The following TFAP2D variants were observed in gnomAD, a reference collection of about 807,000 sequenced individuals.
The protein encoded by TFAP2D is transcription factor AP-2-delta.
In TFAP2D, 9 loss-of-function variants were observed where a neutral mutation model predicts 43.6. The observed-to-expected ratio is 0.21, with a 90% confidence interval of 0.12 to 0.36. The LOEUF (loss-of-function observed/expected upper bound fraction) is 0.36. Among genes scored for constraint, TFAP2D ranks in the 10% least tolerant of loss-of-function variants. TFAP2D has a pLI of 1.00. For synonymous variants in TFAP2D, 256 were observed against 224.9 expected (o/e 1.14, Z -1.24); for missense variants, 513 against 561.4 (o/e 0.91, Z 0.87).
At chr6:50,742,573 C>CATAG (rs144051096) in intron 5 of TFAP2D, among the ~76,000 whole-genome samples, 3,773 of 145,438 alleles carry the variant, frequency 0.026, 56 homozygotes, top group Admixed American at 0.038. Context: ...GACAGACACA[C>CATAG]ATAGATAGAT....
chr6:50,739,921 A>G (rs1452850400), intron 5 of TFAP2D, among the ~76,000 whole-genome samples: 3 of 152,186 alleles, frequency 2.0e-5, no homozygotes, highest in Non-Finnish European at 4.4e-5. Context: ...TAAAACTACT[A>G]TATTATAAGG....
chr6:50,755,614 G>A lies in TFAP2D; in HGVS notation c.1139+4290G>A, dbSNP rs776827762. ...AACTATAAGCTTTTTTTCCCCCTTT[G>A]GGAGAAGAAAAACTCCAATTCCTTT... is the stretch of plus-strand genomic sequence containing the variant. On this transcript the variant is annotated intron_variant, in intron 7 of 7. Transcript: ENST00000008391. 1.2e-3 allele frequency among the ~76,000 whole-genome samples: 176 copies of A among 151,746 alleles called. 1 individual carries two copies. Among genetic ancestry groups the A allele is most frequent in the Non-Finnish European group, 8.8e-4 (60 of 67,886 alleles).
intron 5 of TFAP2D, among the ~76,000 whole-genome samples, chr6:50,729,925 C>A (rs1284927662): frequency 6.6e-6 from 1 of 152,012 alleles, no homozygotes; most frequent in Non-Finnish European, 1.5e-5. Flanking sequence ...TACCTCTTTC[C>A]TTTTTTTCTC....
At position 50,757,775 on chromosome 6, in the gene TFAP2D, T is replaced by TA. The variant is rs1200465171; in HGVS notation, c.1139+6453dup. Reference sequence around the variant, plus strand: ...TTATTCTATATATATAGAATATATATAATTATTCTATATATATAGAATATA... The same window carrying TA: ...TTATTCTATATATATAGAATATATATAAATTATTCTATATATATAGAATATA... On this transcript the variant is annotated intron_variant, in intron 7 of 7. Coordinates refer to ENST00000008391, the MANE Select transcript of TFAP2D (RefSeq NM_172238.4). Among the ~76,000 whole-genome samples, 447 of 107,966 alleles carry TA rather than the reference T, an allele frequency of 4.1e-3. 39 individuals carry two copies. The highest frequency in any genetic ancestry group is 0.014 in the African/African-American group (390 of 27,178). The allele number at this position is 107,966 out of a possible 152,430, so 70.8% of individuals were successfully genotyped here.
chr6:50,726,889 G>A (rs1036046277), intron 3 of TFAP2D, among the ~76,000 whole-genome samples: 1 of 152,180 alleles, frequency 6.6e-6, no homozygotes, highest in East Asian at 1.9e-4. Context: ...AGAGGGGGAA[G>A]TACAGGAGAA....
chr6:50,753,256 A>G (rs1769223181), intron 7 of TFAP2D, among the ~76,000 whole-genome samples: 1 of 151,954 alleles, frequency 6.6e-6, no homozygotes, highest in Non-Finnish European at 1.5e-5. Flanking sequence ...TGTATGCTAG[A>G]TTATTTCCAA....
chr6:50,729,824 C>T (rs1348070205), intron 5 of TFAP2D, among the ~76,000 whole-genome samples: 1 of 152,106 alleles, frequency 6.6e-6, no homozygotes, highest in Admixed American at 6.6e-5. Context: ...TGGATAAGCT[C>T]AGCTCAGTCA....
Position 50,713,823 on chromosome 6 carries a change from G to A in TFAP2D, c.-233G>A. 1 of 603,188 alleles carries A rather than the reference G, an allele frequency of 1.7e-6. No individual in the cohort carries two copies. Among genetic ancestry groups the A allele is most frequent in the Non-Finnish European group, 2.9e-6 (1 of 346,912 alleles). The allele number at this position is 603,188 out of a possible 1,614,324, so 37.4% of individuals were successfully genotyped here. A position where few individuals can be genotyped will look rare whatever the true frequency, so the allele number is the denominator to read the frequency against. ...GAAATACTCAGCAAGTACAAAATCT[G>A]TTCCAGGGAGCTGCTTTTGTGCAGA... On this transcript the variant is annotated 5_prime_UTR_variant, in exon 1 of 8. Coordinates refer to ENST00000008391, the MANE Select transcript of TFAP2D (RefSeq NM_172238.4).
intron 5 of TFAP2D, among the ~76,000 whole-genome samples, chr6:50,743,545 A>C (rs1454497397): frequency 6.6e-6 from 1 of 151,638 alleles, no homozygotes; most frequent in Non-Finnish European, 1.5e-5. Context: ...ACCACATCTG[A>C]CTAATTTTTA....
intron 5 of TFAP2D, among the ~76,000 whole-genome samples, chr6:50,733,254 T>A (rs962849680): frequency 6.6e-6 from 1 of 151,990 alleles, no homozygotes; most frequent in African/African-American, 2.4e-5. Flanking sequence ...AATACCACAT[T>A]TAATTTCTTT....
At chr6:50,731,846 C>T (rs1768899320) in intron 5 of TFAP2D, among the ~76,000 whole-genome samples, 1 of 151,874 alleles carries the variant, frequency 6.6e-6, no homozygotes, top group African/African-American at 2.4e-5. Context: ...GATCATGGCC[C>T]CTGGAACTCT....
intron 7 of TFAP2D, among the ~76,000 whole-genome samples, chr6:50,751,635 C>T (rs1769202098): frequency 6.6e-6 from 1 of 151,778 alleles, no homozygotes; most frequent in Admixed American, 6.6e-5. Flanking sequence ...AAACAAGATC[C>T]CCTGGGCTCT....
Position 50,724,737 on chromosome 6 carries a change from TC to T in TFAP2D, c.599-4117del, listed in dbSNP as rs200130061. ...CAGGCTCCGGCGCTTGTCTTTCCCA[TC>T]CAGTTGCAGCACAGACGGTGGCGGG... On this transcript the variant is annotated intron_variant, in intron 3 of 7. Coordinates refer to ENST00000008391, the MANE Select transcript of TFAP2D (RefSeq NM_172238.4). Among the ~76,000 whole-genome samples, 1,061 of 152,110 alleles carry T rather than the reference TC, an allele frequency of 7.0e-3. 16 individuals carry two copies. The highest frequency in any genetic ancestry group is 0.024 in the African/African-American group (1,005 of 41,488).
At chr6:50,745,300 T>TG in intron 6 of TFAP2D, 52 bp downstream of exon 6, 1 of 1,598,588 alleles carries the variant, frequency 6.3e-7, no homozygotes, top group Middle Eastern at 1.7e-4. Flanking sequence ...TATTTTTTTT[T>TG]CATTTTCTTT....
At chr6:50,715,036 C>A in intron 1 of TFAP2D, 80 bp from the exon 2 acceptor site, 1 of 1,541,948 alleles carries the variant, frequency 6.5e-7, no homozygotes, top group Non-Finnish European at 8.8e-7. Flanking sequence ...AAGCTCCTGG[C>A]TCCGGGAGAG....
intron 6 of TFAP2D, among the ~76,000 whole-genome samples, chr6:50,749,848 C>T (rs564940775): frequency 6.8e-4 from 103 of 151,866 alleles, no homozygotes; most frequent in Non-Finnish European, 9.4e-4. Flanking sequence ...TCCAACTGGC[C>T]CTTTAGGAAG....
chr6:50,771,199 A>G (rs1022135075), intron 7 of TFAP2D, among the ~76,000 whole-genome samples: 8 of 152,222 alleles, frequency 5.3e-5, no homozygotes, highest in Non-Finnish European at 1.0e-4. Context: ...GGTGGCTTAC[A>G]TAAGACAGGG....
At chr6:50,734,252 A>G (rs1335954555) in intron 5 of TFAP2D, among the ~76,000 whole-genome samples, 2 of 151,472 alleles carry the variant, frequency 1.3e-5, no homozygotes, top group Non-Finnish European at 2.9e-5. Context: ...TTTGCCTGGT[A>G]CTCCTCCCAC....
rs116243537 is a variant in TFAP2D, at chr6:50,721,185, A to G, written c.598+2035A>G. ...AATTCGGTCCCTATTCGTTTCAACT[A>G]AAAATCATCGTCGAATCTGCTACTT... On this transcript the variant is annotated intron_variant, in intron 3 of 7. Transcript: ENST00000008391. Among the ~76,000 whole-genome samples the G allele has an allele frequency of 5.4e-3, 817 of 152,338 alleles. 14 individuals are homozygous for G. The highest frequency in any genetic ancestry group is 0.018 in the African/African-American group (766 of 41,568).
Sources: allele counts gnomAD v4.1 joint callset (sites outside exome capture counted in the v4.1 genomes callset), GRCh38; gene constraint gnomAD v4.1.1; transcripts MANE v1.5; gene names NCBI Gene and HGNC (gene_info 2026-07-23, HGNC 2026-07-21).